Variants in DPYS observed in about 807,000 individuals in gnomAD.
DPYS encodes dihydropyrimidinase.
In DPYS, 39 loss-of-function variants were observed where a neutral mutation model predicts 50.3. That is an observed-to-expected ratio of 0.78 (90% CI 0.60 to 1.01). The LOEUF is 1.01. DPYS is among the 50% of genes least tolerant of loss of function. The pLI is 0.00. For missense variants in DPYS, 659 were observed against 680.9 expected, an observed-to-expected ratio of 0.97 and a Z score of 0.36; for synonymous variants, 245 against 250.7, an observed-to-expected ratio of 0.98 and a Z score of 0.22.
intron 4 of DPYS, among the ~76,000 whole-genome samples, chr8:104,441,491 C>T (rs573690553): frequency 2.0e-5 from 3 of 152,234 alleles, no homozygotes; most frequent in East Asian, 1.9e-4. Flanking sequence ...CTGAATTAAT[C>T]GGTAGGCTTA....
intron 8 of DPYS, among the ~76,000 whole-genome samples, chr8:104,382,748 A>G (rs547382967): frequency 6.6e-6 from 1 of 152,136 alleles, no homozygotes; most frequent in South Asian, 2.1e-4. Flanking sequence ...GTTCCTGCCT[A>G]TCACCTAGAG....
intron 1 of DPYS, among the ~76,000 whole-genome samples, chr8:104,464,163 C>T (rs1814267409): frequency 1.3e-5 from 2 of 152,158 alleles, no homozygotes; most frequent in South Asian, 4.1e-4. Flanking sequence ...TTTTCACAAC[C>T]TTTAAGTACA....
Position 104,424,324 on chromosome 8 carries a change from A to G in DPYS, c.1158T>C (p.Phe386=), listed in dbSNP as rs367990408. Residue 386 remains phenylalanine, a synonymous_variant, in exon 7 of 10, where the codon TTT becomes TTC. Transcript: ENST00000351513. ...AVTSTNAAKI[F]NLYPRKGRIA... Reference sequence around the variant, plus strand: ...TTCTTCCTTTTCTTGGATAGAGATTAAAAATTTTGGCTGCATTTGTGCTGG... The same window carrying G: ...TTCTTCCTTTTCTTGGATAGAGATTGAAAATTTTGGCTGCATTTGTGCTGG... 4 of 1,614,006 alleles carry G rather than the reference A, an allele frequency of 2.5e-6. No homozygotes were observed. Among genetic ancestry groups the G allele is most frequent in the Non-Finnish European group, 3.4e-6 (4 of 1,180,018 alleles).
At chr8:104,381,568 C>T (rs952771143) in intron 8 of DPYS, among the ~76,000 whole-genome samples, 8 of 152,160 alleles carry the variant, frequency 5.3e-5, no homozygotes, top group East Asian at 3.9e-4. Context: ...CATATCCTCA[C>T]GCCCTTCTGA....
intron 7 of DPYS, chr8:104,421,401 A>C (rs1812536520): frequency 6.6e-6 from 1 of 152,206 alleles, no homozygotes; most frequent in Non-Finnish European, 1.5e-5. Flanking sequence ...TGGGAGGCCG[A>C]GACGGGCGGA....
At chr8:104,429,830 C>A in intron 4 of DPYS, 129 bp from the exon 5 acceptor site, 2 of 1,135,760 alleles carry the variant, frequency 1.8e-6, no homozygotes, top group Non-Finnish European at 2.5e-6. Context: ...GAATCCCAAA[C>A]TATAATTTAC....
intron 1 of DPYS, among the ~76,000 whole-genome samples, chr8:104,454,597 G>T (rs185116852): frequency 8.4e-4 from 128 of 152,248 alleles, no homozygotes; most frequent in African/African-American, 3.0e-3. Flanking sequence ...AAATAATTAG[G>T]CAATGATTCT....
chr8:104,436,859 G>A (rs976099386), intron 4 of DPYS, among the ~76,000 whole-genome samples: 4 of 151,532 alleles, frequency 2.6e-5, no homozygotes, highest in African/African-American at 7.3e-5. Flanking sequence ...AACAAATAAA[G>A]TACCAAATTA....
chr8:104,461,019 C>T (rs959444950), intron 1 of DPYS, among the ~76,000 whole-genome samples: 2 of 151,452 alleles, frequency 1.3e-5, no homozygotes, highest in Non-Finnish European at 2.9e-5. Flanking sequence ...CACAGTGGCT[C>T]ACACCTGTAA....
intron 6 of DPYS, among the ~76,000 whole-genome samples, chr8:104,426,434 T>G (rs1425163591): frequency 6.6e-6 from 1 of 152,190 alleles, no homozygotes; most frequent in African/African-American, 2.4e-5. Flanking sequence ...GGGGACCAGC[T>G]GTGAGATTAC....
At chr8:104,449,538 C>T (rs921685679) in intron 2 of DPYS, among the ~76,000 whole-genome samples, 1 of 152,134 alleles carries the variant, frequency 6.6e-6, no homozygotes, top group African/African-American at 2.4e-5. Flanking sequence ...CTTGGGTGAG[C>T]CAAAAATTCA....
chr8:104,433,560 A>G (rs1207322219), intron 4 of DPYS, among the ~76,000 whole-genome samples: 2 of 151,994 alleles, frequency 1.3e-5, no homozygotes, highest in Non-Finnish European at 2.9e-5. Context: ...CTTGAACCCA[A>G]AAGGTAGAGG....
At chr8:104,398,738 C>T (rs1811674569) in intron 7 of DPYS, among the ~76,000 whole-genome samples, 1 of 152,194 alleles carries the variant, frequency 6.6e-6, no homozygotes, top group South Asian at 2.1e-4. Flanking sequence ...AGTATCTTAA[C>T]ACCCATCTAG....
intron 4 of DPYS, 22 bp downstream of exon 4, chr8:104,444,226 T>C: frequency 6.2e-7 from 1 of 1,613,214 alleles, no homozygotes; most frequent in Non-Finnish European, 8.5e-7. Context: ...GAGTTCTAAG[T>C]GAGGTTACAT....
intron 1 of DPYS, among the ~76,000 whole-genome samples, chr8:104,466,039 G>A (rs1266623826): frequency 1.3e-5 from 2 of 151,956 alleles, no homozygotes; most frequent in African/African-American, 4.8e-5. Flanking sequence ...AACCCTGGTC[G>A]GGGCTATATT....
Position 104,399,319 on chromosome 8 carries a change from A to C in DPYS, c.1236-6328T>G, listed in dbSNP as rs1435963371. 1.3e-4 allele frequency among the ~76,000 whole-genome samples: 20 copies of C among 149,946 alleles called. 1 individual carries two copies. The highest frequency in any genetic ancestry group is 2.4e-4 in the African/African-American group (10 of 40,838). ...AAAAAAAAAAAAAAAAACAACAACA[A>C]AAAAAAACCAAGAAAACCCACATCC... On this transcript the variant is annotated intron_variant, in intron 7 of 9. Coordinates refer to ENST00000351513, the MANE Select transcript of DPYS (RefSeq NM_001385.3).
intron 4 of DPYS, among the ~76,000 whole-genome samples, chr8:104,432,972 T>A (rs1303352869): frequency 2.0e-5 from 3 of 152,150 alleles, no homozygotes; most frequent in African/African-American, 7.2e-5. Flanking sequence ...GGTAGTGAAT[T>A]TAAAGTGAGG....
At chr8:104,462,263 A>G (rs1015860277) in intron 1 of DPYS, among the ~76,000 whole-genome samples, 5 of 152,198 alleles carry the variant, frequency 3.3e-5, no homozygotes, top group Admixed American at 2.6e-4. Flanking sequence ...CAGCCCACAC[A>G]GCTCCTGAAG....
chr8:104,428,663 T>C (rs1385504487), intron 5 of DPYS, among the ~76,000 whole-genome samples: 2 of 152,180 alleles, frequency 1.3e-5, no homozygotes, highest in Non-Finnish European at 2.9e-5. Context: ...AATCCTGCTT[T>C]GACTTGTGAG....
Sources: gnomAD v4.1 joint callset for allele counts (sites outside exome capture counted in the v4.1 genomes callset) on GRCh38, gnomAD v4.1.1 for gene constraint, MANE v1.5 for transcripts, NCBI Gene and HGNC (gene_info 2026-07-23, HGNC 2026-07-21) for gene names.